Variants in GRIN2B observed in about 807,000 individuals in gnomAD.
The protein encoded by GRIN2B is glutamate ionotropic receptor NMDA type subunit 2B, also known as glutamate receptor ionotropic, NMDA 2B.
GRIN2B carries 5 observed loss-of-function variants against 114.5 expected under a neutral mutation model. That is an observed-to-expected ratio of 0.04 (90% CI 0.02 to 0.09). The LOEUF is 0.09. GRIN2B is among the 10% of genes least tolerant of loss of function. The pLI is 1.00. For synonymous variants in GRIN2B, 787 were observed against 745.1 expected, an observed-to-expected ratio of 1.06 and a Z score of -0.92; for missense variants, 1,108 against 1,943.5, an observed-to-expected ratio of 0.57 and a Z score of 8.08.
chr12:13,601,709 G>A (rs939767888), intron 10 of GRIN2B, among the ~76,000 whole-genome samples: 2 of 151,502 alleles, frequency 1.3e-5, no homozygotes, highest in African/African-American at 2.4e-5. Context: ...AAAGAGGGTC[G>A]TTCAAGGGGA....
At chr12:13,639,141 A>C (rs780909633) in intron 5 of GRIN2B, among the ~76,000 whole-genome samples, 12 of 152,090 alleles carry the variant, frequency 7.9e-5, no homozygotes, top group Non-Finnish European at 1.6e-4. Flanking sequence ...CATCAAATCC[A>C]ATTGTCTCTA....
intron 10 of GRIN2B, 134 bp from the exon 11 acceptor site, chr12:13,572,098 T>C: frequency 1.4e-6 from 1 of 725,680 alleles, no homozygotes; most frequent in Admixed American, 2.1e-5. Flanking sequence ...GACCCAACTA[T>C]AATTCACCGA....
chr12:13,973,013 C>G (rs1862957798), intron 2 of GRIN2B, among the ~76,000 whole-genome samples: 1 of 152,154 alleles, frequency 6.6e-6, no homozygotes, highest in Non-Finnish European at 1.5e-5. Flanking sequence ...ATCTGTGTGA[C>G]CAGACTACGG....
chr12:13,846,892 A>G (rs1865481996), intron 3 of GRIN2B, among the ~76,000 whole-genome samples: 1 of 152,158 alleles, frequency 6.6e-6, no homozygotes, highest in African/African-American at 2.4e-5. Flanking sequence ...ATAAAAAACA[A>G]TTAAGAAAGA....
At position 13,563,740 on chromosome 12, in the gene GRIN2B, G is replaced by T. The variant is rs45600931; in HGVS notation, c.3498C>A (p.Ser1166=). 1.2e-6 allele frequency: 2 copies of T among 1,613,866 alleles called. No homozygotes were observed. The highest frequency in any genetic ancestry group is 1.7e-6 in the Non-Finnish European group (2 of 1,180,024). ...KERSDDFKRD[S]VSGGGPCTNR... The stretch of plus-strand genomic sequence containing the variant: ...TGGTACAGGGCCCTCCTCCGCTGAC[G>T]GAGTCGCGCTTAAAGTCATCACTCC... The change falls in exon 14 of 14, where the codon TCC becomes TCA. Residue 1166 remains serine (S), a synonymous_variant. Transcript: ENST00000609686.
chr12:13,796,082 T>TAAAAAAAAAAAA (rs59852695), intron 3 of GRIN2B, among the ~76,000 whole-genome samples: 2 of 141,256 alleles, frequency 1.4e-5, no homozygotes, highest in Non-Finnish European at 3.1e-5. Context: ...AAAGTATAAT[T>TAAAAAAAAAAAA]AAAAAAAAAA....
chr12:13,920,333 CACTT>C (rs1443875021), intron 2 of GRIN2B, among the ~76,000 whole-genome samples: 3 of 151,896 alleles, frequency 2.0e-5, no homozygotes, highest in Admixed American at 6.6e-5. Context: ...TTCCCCAACT[CACTT>C]ACGCTTCTCA....
In GRIN2B at chr12:13,819,016, C is replaced by T. The variant is rs142030402; in HGVS notation, c.411+46782G>A. 8.5e-3 allele frequency among the ~76,000 whole-genome samples: 1,292 copies of T among 152,264 alleles called. 19 individuals carry two copies. The highest frequency in any genetic ancestry group is 0.03 in the African/African-American group (1,263 of 41,542). On this transcript the variant is annotated intron_variant, in intron 3 of 13. Coordinates refer to ENST00000609686, the MANE Select transcript of GRIN2B (RefSeq NM_000834.5). ...CCCTCCAATGTCTATATGTTGAAGG[C>T]CTAACCACTAGGACCTAAGAATGTG...
At chr12:13,621,633 T>G (rs1001236683) in intron 5 of GRIN2B, among the ~76,000 whole-genome samples, 24 of 147,850 alleles carry the variant, frequency 1.6e-4, no homozygotes, top group African/African-American at 4.5e-4. Flanking sequence ...TTTTTTTTTT[T>G]TTTTTTTCAG....
chr12:13,860,798 C>G (rs1027614330), intron 3 of GRIN2B, among the ~76,000 whole-genome samples: 1 of 152,154 alleles, frequency 6.6e-6, no homozygotes, highest in Non-Finnish European at 1.5e-5. Context: ...CTCAGCATAC[C>G]CTTTTCTTCC....
chr12:13,683,193 G>A (rs1950147193), intron 4 of GRIN2B, among the ~76,000 whole-genome samples: 1 of 152,036 alleles, frequency 6.6e-6, no homozygotes, highest in African/African-American at 2.4e-5. Context: ...TCATTCAAAT[G>A]AATGAAAAAA....
chr12:13,978,574 T>A (rs1863071672), intron 2 of GRIN2B, among the ~76,000 whole-genome samples: 1 of 152,214 alleles, frequency 6.6e-6, no homozygotes, highest in African/African-American at 2.4e-5. Context: ...ATCAAAGAAT[T>A]GTTGTTTTAA....
In GRIN2B at chr12:13,642,680, A is replaced by C. The variant is rs1591655362; in HGVS notation, c.1126-26023T>G. On this transcript the variant is annotated intron_variant, in intron 5 of 13. Coordinates refer to ENST00000609686, the MANE Select transcript of GRIN2B (RefSeq NM_000834.5). ...AAAATGCATGTTTATTTGCTTATGC[A>C]TTCCTTCTCCGTGCGTGCTCAAATA... 2.6e-5 allele frequency among the ~76,000 whole-genome samples: 4 copies of C among 152,298 alleles called. No individual in the cohort carries two copies. The South Asian group carries it at 8.3e-4, about 32-fold the overall frequency.
chr12:13,581,319 AC>A (rs780387480), intron 10 of GRIN2B, among the ~76,000 whole-genome samples: 20 of 152,168 alleles, frequency 1.3e-4, no homozygotes, highest in Non-Finnish European at 2.8e-4. Flanking sequence ...GTTGCACCAA[AC>A]CATGTTTTCC....
intron 3 of GRIN2B, among the ~76,000 whole-genome samples, chr12:13,789,393 T>C (rs1389159199): frequency 6.6e-6 from 1 of 152,204 alleles, no homozygotes; most frequent in African/African-American, 2.4e-5. Context: ...TTAAAGGACT[T>C]GGATGAGGGA....
At chr12:13,574,928 C>T (rs935780411) in intron 10 of GRIN2B, among the ~76,000 whole-genome samples, 5 of 152,210 alleles carry the variant, frequency 3.3e-5, no homozygotes, top group Non-Finnish European at 7.3e-5. Context: ...CAGAGCCCCA[C>T]ATATATGGTG....
chr12:13,713,113 T>C (rs187746290), intron 4 of GRIN2B, among the ~76,000 whole-genome samples: 108 of 151,972 alleles, frequency 7.1e-4, no homozygotes, highest in African/African-American at 2.4e-3. Context: ...AAGAGTGTAA[T>C]ACACAATCAA....
intron 2 of GRIN2B, among the ~76,000 whole-genome samples, chr12:13,875,925 A>G (rs1432437047): frequency 1.3e-5 from 2 of 152,320 alleles, no homozygotes; most frequent in East Asian, 1.9e-4. Context: ...ATGGGATCCT[A>G]TCTCCAAGCA....
chr12:13,664,250 G>A (rs1949953231), intron 5 of GRIN2B, among the ~76,000 whole-genome samples: 1 of 152,090 alleles, frequency 6.6e-6, no homozygotes, highest in Admixed American at 6.6e-5. Flanking sequence ...GAGGCTGAAT[G>A]CAGAGAGGTG....
Sources: gnomAD v4.1 joint callset for allele counts (sites outside exome capture counted in the v4.1 genomes callset) on GRCh38, gnomAD v4.1.1 for gene constraint, MANE v1.5 for transcripts, NCBI Gene and HGNC (gene_info 2026-07-23, HGNC 2026-07-21) for gene names.